Variants in SLC26A7 observed in about 807,000 individuals in gnomAD.
SLC26A7 encodes the protein anion exchange transporter.
Under a neutral mutation model 82.5 loss-of-function variants are expected in SLC26A7, and 59 were observed. The ratio of observed to expected loss-of-function variants is 0.72; its 90% CI spans 0.58 to 0.89. The LOEUF (loss-of-function observed/expected upper bound fraction) is 0.89, where lower values mean the gene tolerates loss of function less well. SLC26A7 is among the 40% of genes least tolerant of loss of function. The probability of loss-of-function intolerance (pLI) is 0.00; values close to 1 mark genes in which losing one functional copy is unlikely to be tolerated. For missense variants in SLC26A7, 820 were observed against 793.0 expected, an observed-to-expected ratio of 1.03 and a Z score of -0.41; for synonymous variants, 271 against 274.3, an observed-to-expected ratio of 0.99 and a Z score of 0.12.
At chr8:91,286,927 G>T (rs945190463) in intron 2 of SLC26A7, among the ~76,000 whole-genome samples, 10 of 152,020 alleles carry the variant, frequency 6.6e-5, no homozygotes, top group African/African-American at 2.4e-4. Context: ...GCTGGTCTTG[G>T]GCCTTGTAGT....
chr8:91,345,175 C>T (rs1813528483), intron 9 of SLC26A7, among the ~76,000 whole-genome samples: 2 of 151,992 alleles, frequency 1.3e-5, no homozygotes, highest in Admixed American at 1.3e-4. Flanking sequence ...TTTTGAACTC[C>T]TGGCTTTGAG....
chr8:91,265,106 T>C (rs1811075466), intron 2 of SLC26A7, among the ~76,000 whole-genome samples: 1 of 152,046 alleles, frequency 6.6e-6, no homozygotes, highest in Non-Finnish European at 1.5e-5. Flanking sequence ...AGATAAACCT[T>C]TTTAGATTCT....
intron 4 of SLC26A7, among the ~76,000 whole-genome samples, chr8:91,317,817 T>C (rs1417055979): frequency 6.6e-6 from 1 of 151,904 alleles, no homozygotes; most frequent in Non-Finnish European, 1.5e-5. Context: ...TATTTCCCTT[T>C]TTTGAAACAT....
chr8:91,370,377 T>C (rs1814324166), intron 15 of SLC26A7, among the ~76,000 whole-genome samples: 1 of 151,804 alleles, frequency 6.6e-6, no homozygotes, highest in African/African-American at 2.4e-5. Context: ...TTCCTCTCCT[T>C]CTTCTTTTCA....
intron 15 of SLC26A7, among the ~76,000 whole-genome samples, chr8:91,379,422 A>G (rs1027787385): frequency 1.3e-5 from 2 of 152,126 alleles, no homozygotes; most frequent in African/African-American, 4.8e-5. Flanking sequence ...ATGTATTATA[A>G]AGCTCTAATA....
chr8:91,361,143 T>C (rs914935153), intron 11 of SLC26A7, among the ~76,000 whole-genome samples: 2 of 152,172 alleles, frequency 1.3e-5, no homozygotes, highest in Non-Finnish European at 2.9e-5. Flanking sequence ...ATTTTAAGGA[T>C]AAAATTCCCT....
chr8:91,334,243 G>A (rs1201088107), intron 5 of SLC26A7, 52 bp from the exon 6 acceptor site: 2 of 1,499,394 alleles, frequency 1.3e-6, no homozygotes, highest in Non-Finnish European at 1.8e-6. Context: ...TTTCATGTTG[G>A]TATATTATAG....
chr8:91,351,589 T>G (rs1397065033), intron 9 of SLC26A7, among the ~76,000 whole-genome samples: 1 of 152,170 alleles, frequency 6.6e-6, no homozygotes, highest in Non-Finnish European at 1.5e-5. Context: ...CTCTCATCAC[T>G]GACTTAATTT....
At chr8:91,326,648 A>G (rs1280834904) in intron 5 of SLC26A7, among the ~76,000 whole-genome samples, 1 of 152,164 alleles carries the variant, frequency 6.6e-6, no homozygotes, top group Non-Finnish European at 1.5e-5. Flanking sequence ...AGCCCATAAT[A>G]CTTTCTTTGA....
chr8:91,395,153 T>C lies in SLC26A7; in HGVS notation c.*56T>C. ...TTACCAACTGCCTGAAGAGGCCATATGCTGGCATTTTGCACAACTTTTTGG... is the reference window on the plus strand; with the variant it reads ...TTACCAACTGCCTGAAGAGGCCATACGCTGGCATTTTGCACAACTTTTTGG... On this transcript the variant is annotated 3_prime_UTR_variant, in exon 19 of 19. Transcript: ENST00000276609. 1 of 1,608,622 alleles carries C rather than the reference T, an allele frequency of 6.2e-7. No homozygotes were observed. The highest frequency in any genetic ancestry group is 1.7e-5 in the Admixed American group (1 of 58,720).
chr8:91,259,368 A>T (rs2130712726), intron 2 of SLC26A7, among the ~76,000 whole-genome samples: 1 of 152,210 alleles, frequency 6.6e-6, no homozygotes, highest in East Asian at 1.9e-4. Flanking sequence ...TATTCTGCTC[A>T]GCTCTAGAAC....
chr8:91,230,895 G>A (rs144858004), intron 2 of SLC26A7, among the ~76,000 whole-genome samples: 2 of 152,266 alleles, frequency 1.3e-5, no homozygotes, highest in East Asian at 1.9e-4. Context: ...GTCTGCATGA[G>A]TACACTAAAT....
chr8:91,300,020 G>A (rs563686063), intron 4 of SLC26A7, among the ~76,000 whole-genome samples: 77 of 152,244 alleles, frequency 5.1e-4, no homozygotes, highest in African/African-American at 1.8e-3. Flanking sequence ...CACTTCAGGG[G>A]GAGAAACTTC....
At position 91,396,636 on chromosome 8, in the gene SLC26A7, A is replaced by T. The variant is rs1485740751; in HGVS notation, c.*1539A>T. The T allele has an allele frequency of 1.3e-5, 2 of 152,068 alleles. No homozygotes were observed. The highest frequency in any genetic ancestry group is 4.8e-5 in the African/African-American group (2 of 41,456). 9.4% of individuals were successfully genotyped at this position (152,068 alleles called of 1,614,324 possible). A position where few individuals can be genotyped will look rare whatever the true frequency, so the allele number is the denominator to read the frequency against. ...ATTTTGATTGAAATGAACTACAAAG[A>T]ATAGTGTTTGTCCCTATGGTAGCCT... On this transcript the variant is annotated 3_prime_UTR_variant, in exon 19 of 19. Coordinates refer to ENST00000276609, the MANE Select transcript of SLC26A7 (RefSeq NM_052832.4).
In SLC26A7 at chr8:91,338,230, A is replaced by C. The variant is rs774201792; in HGVS notation, c.876A>C (p.Gln292His). Residue 292 changes from glutamine (Q) to histidine (H), a missense_variant and splice_region_variant, in exon 7 of 19, where the codon CAA becomes CAC. Gln to His is a conservative substitution (Grantham distance 24). Coordinates refer to ENST00000276609, the MANE Select transcript of SLC26A7 (RefSeq NM_052832.4). ...TAGAAGTAGTTGGTCATATTCCACAAGGGTAATGTAGTCCTTTTTAAAAAC... is the reference window on the plus strand; with the variant it reads ...TAGAAGTAGTTGGTCATATTCCACACGGGTAATGTAGTCCTTTTTAAAAAC... ...YGLEVVGHIP[Q>H]GIPSPRAPPM... 1 of 1,593,530 alleles carries C rather than the reference A, an allele frequency of 6.3e-7. No homozygotes were observed. Among genetic ancestry groups the C allele is most frequent in the Non-Finnish European group, 8.5e-7 (1 of 1,170,862 alleles).
rs1464868948 is a variant in SLC26A7 at position 91,341,776 on chromosome 8, C to T, written c.1026+1225C>T. Among the ~76,000 whole-genome samples, 3 of 152,210 alleles carry T rather than the reference C, an allele frequency of 2.0e-5. No homozygotes were observed. The East Asian group carries it at 5.8e-4, about 30-fold the overall frequency. ...ACCCTTTTCCTCTTTGGTCTCATACCCTTTTATACTCTGTGCTAACACCAC... is the reference window on the plus strand; with the variant it reads ...ACCCTTTTCCTCTTTGGTCTCATACTCTTTTATACTCTGTGCTAACACCAC... On this transcript the variant is annotated intron_variant, in intron 8 of 18. Coordinates refer to ENST00000276609, the MANE Select transcript of SLC26A7 (RefSeq NM_052832.4).
At chr8:91,302,818 C>CTTTTTT (rs11333572) in intron 4 of SLC26A7, among the ~76,000 whole-genome samples, 11,332 of 128,934 alleles carry the variant, frequency 0.088, 511 homozygotes, top group Middle Eastern at 0.16. Flanking sequence ...TTCCCCTTCT[C>CTTTTTT]TTTTTTTTTT....
chr8:91,363,463 T>G lies in SLC26A7; in HGVS notation c.1422-9T>G. Reference sequence around the variant, plus strand: ...GACTTGTTTTATTTTCTATCTGCTTTAATTTCAGAGCAATGACTGTAAGTA... The same window carrying G: ...GACTTGTTTTATTTTCTATCTGCTTGAATTTCAGAGCAATGACTGTAAGTA... On this transcript the variant is annotated splice_polypyrimidine_tract_variant and intron_variant, in intron 12 of 18. Coordinates refer to ENST00000276609, the MANE Select transcript of SLC26A7 (RefSeq NM_052832.4). 6.8e-7 allele frequency: 1 copy of G among 1,476,962 alleles called. No homozygotes were observed. The allele number at this position is 1,476,962 out of a possible 1,614,324, so 91.5% of individuals were successfully genotyped here.
intron 2 of SLC26A7, chr8:91,219,092 T>C: frequency 1.9e-6 from 1 of 538,524 alleles, no homozygotes; most frequent in Non-Finnish European, 3.2e-6. Flanking sequence ...CCATGCCTGT[T>C]CTCTTTGTCA....
Sources: gnomAD v4.1 joint callset for allele counts (sites outside exome capture counted in the v4.1 genomes callset) on GRCh38, gnomAD v4.1.1 for gene constraint, MANE v1.5 for transcripts, NCBI Gene and HGNC (gene_info 2026-07-23, HGNC 2026-07-21) for gene names.